The following IGDCC3 variants were observed in gnomAD, a reference collection of about 807,000 sequenced individuals.
The protein encoded by IGDCC3 is putative neuronal cell adhesion molecule.
IGDCC3 carries 47 observed loss-of-function variants against 72.0 expected under a neutral mutation model. That is an observed-to-expected ratio of 0.65 (90% CI 0.52 to 0.83). IGDCC3 has a LOEUF of 0.83. Among genes scored for constraint, IGDCC3 ranks in the 40% least tolerant of loss-of-function variants. The pLI is 0.00. For synonymous variants in IGDCC3, 477 were observed against 472.8 expected, an observed-to-expected ratio of 1.01 and a Z score of -0.11; for missense variants, 1,038 against 1,091.3, an observed-to-expected ratio of 0.95 and a Z score of 0.69.
At chr15:65,352,517 T>C (rs2091181209) in intron 2 of IGDCC3, among the ~76,000 whole-genome samples, 2 of 152,118 alleles carry the variant, frequency 1.3e-5, no homozygotes, top group African/African-American at 2.4e-5. Context: ...CTGTACAGGG[T>C]TTCTGACCTA....
intron 2 of IGDCC3, among the ~76,000 whole-genome samples, chr15:65,348,160 C>T (rs895786635): frequency 6.6e-6 from 1 of 152,128 alleles, no homozygotes; most frequent in African/African-American, 2.4e-5. Flanking sequence ...ATGCATAATC[C>T]ACCCCTTGTT....
chr15:65,331,843 C>T (rs1409905426), intron 7 of IGDCC3, 98 bp downstream of exon 7: 1 of 1,450,328 alleles, frequency 6.9e-7, no homozygotes, highest in African/African-American at 1.4e-5. Flanking sequence ...TGTGCTCTTC[C>T]CTGGCAGGAG....
chr15:65,373,726 A>G (rs1276930161), intron 2 of IGDCC3: 2 of 152,612 alleles, frequency 1.3e-5, no homozygotes, highest in African/African-American at 4.8e-5. Context: ...TCTTCTGTAA[A>G]AGGGGGATGA....
chr15:65,361,948 G>C (rs2091264947), intron 2 of IGDCC3, among the ~76,000 whole-genome samples: 1 of 152,186 alleles, frequency 6.6e-6, no homozygotes, highest in African/African-American at 2.4e-5. Context: ...AGGGATCTGC[G>C]ACCGCATCCT....
intron 2 of IGDCC3, chr15:65,356,312 A>G: frequency 6.5e-6 from 1 of 153,730 alleles, no homozygotes; most frequent in Non-Finnish European, 1.4e-5. Context: ...AAGAGGGAAG[A>G]TGGGGCACTG....
At chr15:65,335,517 G>T in intron 3 of IGDCC3, 96 bp from the exon 4 acceptor site, 1 of 1,257,566 alleles carries the variant, frequency 8.0e-7, no homozygotes. Context: ...CAGGACCTAA[G>T]CACTGCACCA....
chr15:65,361,629 T>TGTGTCACCACAC (rs201629295), intron 2 of IGDCC3, among the ~76,000 whole-genome samples: 1 of 151,278 alleles, frequency 6.6e-6, no homozygotes, highest in African/African-American at 2.4e-5. Flanking sequence ...CACAGCAGCC[T>TGTGTCACCACAC]AGAAGAGTAG....
At chr15:65,354,018 G>A (rs949684084) in intron 2 of IGDCC3, among the ~76,000 whole-genome samples, 1 of 152,094 alleles carries the variant, frequency 6.6e-6, no homozygotes, top group Admixed American at 6.6e-5. Flanking sequence ...TGATTCTCCT[G>A]TCTCAGCCTC....
At position 65,375,267 on chromosome 15, in the gene IGDCC3, A is replaced by G. The variant is rs763000001; in HGVS notation, c.239T>C (p.Val80Ala). 6.2e-7 allele frequency: 1 copy of G among 1,614,022 alleles called. No homozygotes were observed. The highest frequency in any genetic ancestry group is 8.5e-7 in the Non-Finnish European group (1 of 1,179,996). ...PVRITWRKNGVELPESTHSTL... is the reference protein window; with the variant it reads ...PVRITWRKNGAELPESTHSTL... ...GGAGTGGGTACTCTCTGGCAGCTCT[A>G]CCCCATTCTTCCTCCAGGTGATTCG... The change falls in exon 2 of 14, where the codon GTA becomes GCA. Residue 80 changes from valine to alanine, a missense_variant. Physicochemically the swap from Val to Ala is moderately conservative, Grantham distance 64. Coordinates refer to ENST00000327987, the MANE Select transcript of IGDCC3 (RefSeq NM_004884.4).
intron 2 of IGDCC3, among the ~76,000 whole-genome samples, chr15:65,370,480 C>T (rs1226378847): frequency 1.4e-5 from 2 of 144,978 alleles, no homozygotes; most frequent in Non-Finnish European, 3.0e-5. Context: ...CACCACTGCA[C>T]TGGGTGATAG....
At position 65,377,707 on chromosome 15, in the gene IGDCC3, G is replaced by A. The variant is rs2091368186; in HGVS notation, c.82C>T (p.Leu28=). ...TCACCCTCGCTCGGCGCGGGCAGCAGCAGCAACAGCAGCGGCAGCAGGAGC... is the reference window on the plus strand; with the variant it reads ...TCACCCTCGCTCGGCGCGGGCAGCAACAGCAACAGCAGCGGCAGCAGGAGC... ...PRLLLPLLLL[L]LPAPSEGLGH... Residue 28 remains leucine (L), a synonymous_variant, in exon 1 of 14, where the codon CTG becomes TTG. Transcript: ENST00000327987. The surrounding 1 kb of genome is among the most constrained non-coding windows in gnomAD (Gnocchi z 4.9). 7.2e-7 allele frequency: 1 copy of A among 1,397,766 alleles called. No homozygotes were observed. Among genetic ancestry groups the A allele is most frequent in the African/African-American group, 1.5e-5 (1 of 66,532 alleles). The allele number at this position is 1,397,766 out of a possible 1,614,324, so 86.6% of individuals were successfully genotyped here. A position where few individuals can be genotyped will look rare whatever the true frequency, so the allele number is the denominator to read the frequency against.
At chr15:65,365,183 C>T (rs1299069531) in intron 2 of IGDCC3, among the ~76,000 whole-genome samples, 3 of 152,130 alleles carry the variant, frequency 2.0e-5, no homozygotes, top group African/African-American at 4.8e-5. Flanking sequence ...CCGGGAAGAC[C>T]CCTAAGGACC....
intron 2 of IGDCC3, among the ~76,000 whole-genome samples, chr15:65,364,309 T>G (rs747731651): frequency 6.4e-4 from 97 of 152,242 alleles, no homozygotes; most frequent in Non-Finnish European, 1.1e-3. Flanking sequence ...TTTACTCATC[T>G]GTAAAACAGG....
Position 65,344,870 on chromosome 15 carries a change from AGGGACTGGGGGGT to A in IGDCC3, c.410-8927_410-8915del, listed in dbSNP as rs536124121. Among the ~76,000 whole-genome samples the A allele has an allele frequency of 7.3e-3, 1,116 of 152,278 alleles. 8 individuals are homozygous for A. Among genetic ancestry groups the A allele is most frequent in the Middle Eastern group, 0.017 (5 of 294 alleles). On this transcript the variant is annotated intron_variant, in intron 2 of 13. Transcript: ENST00000327987. Reference sequence around the variant, plus strand: ...GAAGGGCGCCTGCCTTAGACAGCACAGGGACTGGGGGGTGCCCTGCCCTGCATTTAGTGGTAGC... The same window carrying A: ...GAAGGGCGCCTGCCTTAGACAGCACAGCCCTGCCCTGCATTTAGTGGTAGC...
In IGDCC3 at chr15:65,328,861, G is replaced by A. The variant is rs753937830; in HGVS notation, c.*48C>T. The A allele has an allele frequency of 1.5e-5, 23 of 1,488,668 alleles. No homozygotes were observed. The highest frequency in any genetic ancestry group is 2.0e-5 in the Non-Finnish European group (22 of 1,119,936). The allele number at this position is 1,488,668 out of a possible 1,614,324, so 92.2% of individuals were successfully genotyped here. A position where few individuals can be genotyped will look rare whatever the true frequency, so the allele number is the denominator to read the frequency against. On this transcript the variant is annotated 3_prime_UTR_variant, in exon 14 of 14. Transcript: ENST00000327987. ...ACAGTAGAAATCTTGCTTTTGACCTGAGAATGGGCCCCGCTCCGTCCACCC... is the reference window on the plus strand; with the variant it reads ...ACAGTAGAAATCTTGCTTTTGACCTAAGAATGGGCCCCGCTCCGTCCACCC...
At chr15:65,372,224 T>C (rs1013802183) in intron 2 of IGDCC3, among the ~76,000 whole-genome samples, 1 of 152,156 alleles carries the variant, frequency 6.6e-6, no homozygotes, top group Non-Finnish European at 1.5e-5. Context: ...ACAGCCGCCC[T>C]ACCAGGCAGG....
intron 3 of IGDCC3, 23 bp downstream of exon 3, chr15:65,335,785 CCTCT>C: frequency 3.7e-6 from 6 of 1,613,458 alleles, no homozygotes; most frequent in South Asian, 2.2e-5. Context: ...CTTTGTCCTC[CCTCT>C]GTCTTTCCCA....
rs530449306 is a variant in IGDCC3 at position 65,336,862 on chromosome 15, G to A, written c.410-906C>T. Among the ~76,000 whole-genome samples, 8 of 152,106 alleles carry A rather than the reference G, an allele frequency of 5.3e-5. No homozygotes were observed. In the South Asian group the frequency reaches 6.2e-4, roughly 12 times the overall value. Reference sequence around the variant, plus strand: ...CCTGGGGAAGGAGCCCCTCCCACTCGGGTTCCCAGCTTCAGCACCAGGGCT... The same window carrying A: ...CCTGGGGAAGGAGCCCCTCCCACTCAGGTTCCCAGCTTCAGCACCAGGGCT... On this transcript the variant is annotated intron_variant, in intron 2 of 13. Transcript: ENST00000327987.
intron 5 of IGDCC3, 175 bp downstream of exon 5, chr15:65,334,553 G>A (rs1404921582): frequency 3.2e-6 from 2 of 626,094 alleles, no homozygotes; most frequent in Non-Finnish European, 5.2e-6. Context: ...GGCCTCCCTG[G>A]TCCTTCCAGG....
Sources: gnomAD v4.1 joint callset for allele counts (sites outside exome capture counted in the v4.1 genomes callset) on GRCh38, gnomAD v4.1.1 for gene constraint, Gnocchi (gnomAD v3.1) non-coding constraint, MANE v1.5 for transcripts, NCBI Gene and HGNC (gene_info 2026-07-23, HGNC 2026-07-21) for gene names.